The following C4orf36 variants were observed in gnomAD, a reference collection of about 807,000 sequenced individuals.
The protein encoded by C4orf36 is chromosome 4 open reading frame 36.
A neutral mutation model predicts 12.2 loss-of-function variants in C4orf36; 11 were observed. The ratio of observed to expected loss-of-function variants is 0.90; its 90% CI spans 0.57 to 1.49. C4orf36 has a LOEUF of 1.49. C4orf36 is among the 40% of genes most tolerant of loss of function. The pLI is 0.00. For synonymous variants in C4orf36, 54 were observed against 51.3 expected (o/e 1.05, Z -0.22); for missense variants, 137 against 133.9 (o/e 1.02, Z -0.11).
chr4:86,898,301 A>G, the C4orf36 span, among the ~76,000 whole-genome samples: 1 of 152,250 alleles, frequency 6.6e-6, no homozygotes, highest in Non-Finnish European at 1.5e-5. Context: ...CTGAGACACA[A>G]GAATCGCTTG....
At chr4:86,916,731 C>T in the C4orf36 span, among the ~76,000 whole-genome samples, 1 of 152,216 alleles carries the variant, frequency 6.6e-6, no homozygotes, top group Non-Finnish European at 1.5e-5. Flanking sequence ...AGAACCTCCA[C>T]AGACTCATAG....
chr4:86,901,889 T>C, the C4orf36 span, among the ~76,000 whole-genome samples: 1 of 152,172 alleles, frequency 6.6e-6, no homozygotes, highest in Non-Finnish European at 1.5e-5. Flanking sequence ...GCTATACATG[T>C]GAATGTGACC....
At chr4:86,913,100 C>A in the C4orf36 span, among the ~76,000 whole-genome samples, 1 of 152,032 alleles carries the variant, frequency 6.6e-6, no homozygotes, top group Non-Finnish European at 1.5e-5. Context: ...AAAACCAACA[C>A]TTTAACCAAT....
At chr4:86,889,590 C>G (rs980829361) in intron 2 of C4orf36, among the ~76,000 whole-genome samples, 8 of 152,110 alleles carry the variant, frequency 5.3e-5, no homozygotes, top group Admixed American at 5.2e-4. Context: ...CTACTACTAT[C>G]CTCAGTTTAC....
At chr4:86,918,768 A>AGGGTTCT in the C4orf36 span, among the ~76,000 whole-genome samples, 1 of 151,390 alleles carries the variant, frequency 6.6e-6, no homozygotes, top group Non-Finnish European at 1.5e-5. Context: ...TGTATTAGTC[A>AGGGTTCT]GGGTTCTCCA....
the C4orf36 span, among the ~76,000 whole-genome samples, chr4:86,920,900 G>A: frequency 6.6e-5 from 10 of 152,132 alleles, no homozygotes; most frequent in East Asian, 7.7e-4. Context: ...GTGGGGCCGG[G>A]GTGGCTCACA....
At chr4:86,877,142 C>G (rs1746945128) in intron 4 of C4orf36, among the ~76,000 whole-genome samples, 1 of 152,170 alleles carries the variant, frequency 6.6e-6, no homozygotes, top group South Asian at 2.1e-4. Context: ...TATGTTGATA[C>G]AGCTGGAGAT....
chr4:86,911,677 GTCTC>G, the C4orf36 span, among the ~76,000 whole-genome samples: 2 of 152,068 alleles, frequency 1.3e-5, no homozygotes, highest in East Asian at 1.9e-4. Flanking sequence ...CTGTCTGTCT[GTCTC>G]TCTGTCTCTC....
chr4:86,912,245 T>A, the C4orf36 span, among the ~76,000 whole-genome samples: 1 of 152,180 alleles, frequency 6.6e-6, no homozygotes, highest in Non-Finnish European at 1.5e-5. Context: ...GGTCTTAAAC[T>A]CCTGGCCTCA....
At chr4:86,914,798 A>G in the C4orf36 span, 6 of 457,056 alleles carry the variant, frequency 1.3e-5, no homozygotes, top group South Asian at 1.0e-4. Flanking sequence ...GGCTCTAATA[A>G]AAACTGGTGC....
At chr4:86,879,182 CAAAAT>C (rs930311462) in intron 4 of C4orf36, among the ~76,000 whole-genome samples, 1 of 152,018 alleles carries the variant, frequency 6.6e-6, no homozygotes, top group Non-Finnish European at 1.5e-5. Flanking sequence ...ATCAAAGTAA[CAAAAT>C]AAATTTCCAG....
At chr4:86,887,521 A>T (rs1747222382) in intron 4 of C4orf36, 1 of 404,208 alleles carries the variant, frequency 2.5e-6, no homozygotes, top group Admixed American at 4.1e-5. Flanking sequence ...CAAACGACTC[A>T]ACTCCAAATG....
intron 4 of C4orf36, 200 bp downstream of exon 4, chr4:86,887,558 G>T: frequency 2.0e-6 from 1 of 490,694 alleles, no homozygotes; most frequent in South Asian, 5.2e-5. Flanking sequence ...CAGTGCTGTC[G>T]TTTGTGACAC....
chr4:86,881,321 T>C (rs902343892), intron 4 of C4orf36, among the ~76,000 whole-genome samples: 5 of 152,196 alleles, frequency 3.3e-5, no homozygotes, highest in Non-Finnish European at 7.3e-5. Flanking sequence ...CTTAAAATGT[T>C]TTACGTAAAA....
chr4:86,916,393 C>T, the C4orf36 span, among the ~76,000 whole-genome samples: 64,284 of 148,866 alleles, frequency 0.43, 15,852 homozygotes, highest in Middle Eastern at 0.59. Flanking sequence ...AAACTTTTTC[C>T]GGACACTTAA....
the C4orf36 span, among the ~76,000 whole-genome samples, chr4:86,904,459 C>T: frequency 1.3e-5 from 2 of 152,052 alleles, no homozygotes; most frequent in East Asian, 3.9e-4. Flanking sequence ...ACGTTGTCAC[C>T]TCTCACCAGC....
At chr4:86,914,562 C>G in the C4orf36 span, 1 of 403,202 alleles carries the variant, frequency 2.5e-6, no homozygotes, top group Non-Finnish European at 4.6e-6. Context: ...CACACCATGC[C>G]TGGCTAATTT....
At chr4:86,889,752 C>CA (rs1747321853) in intron 2 of C4orf36, among the ~76,000 whole-genome samples, 1 of 151,910 alleles carries the variant, frequency 6.6e-6, no homozygotes, top group Non-Finnish European at 1.5e-5. Context: ...CTCATCTCCA[C>CA]AAAAAAATCA....
chr4:86,891,081 G>A (rs1747390918), intron 2 of C4orf36, among the ~76,000 whole-genome samples: 1 of 152,220 alleles, frequency 6.6e-6, no homozygotes, highest in Non-Finnish European at 1.5e-5. Flanking sequence ...CATTTTTTTG[G>A]TAGACGTGGA....
Sources: allele counts gnomAD v4.1 joint callset (sites outside exome capture counted in the v4.1 genomes callset), GRCh38; gene constraint gnomAD v4.1.1; transcripts MANE v1.5; gene names NCBI Gene and HGNC (gene_info 2026-07-23, HGNC 2026-07-21).